Variants in TCF12 observed in about 807,000 individuals in gnomAD.
TCF12 encodes transcription factor 12, also known as DNA-binding protein HTF4.
TCF12 carries 45 observed loss-of-function variants against 86.0 expected under a neutral mutation model. The observed-to-expected ratio is 0.52, with a 90% CI of 0.41 to 0.67. The LOEUF (loss-of-function observed/expected upper bound fraction) is 0.67, where lower values mean the gene tolerates loss of function less well. Ranked by LOEUF, TCF12 falls within the 30% of genes least tolerant of loss-of-function variation. The pLI is 0.00. For synonymous variants in TCF12, 330 were observed against 299.6 expected (o/e 1.10, Z -1.05); for missense variants, 881 against 859.9 (o/e 1.02, Z -0.31).
At chr15:56,986,783 C>G (rs1242466491) in intron 3 of TCF12, among the ~76,000 whole-genome samples, 1 of 152,072 alleles carries the variant, frequency 6.6e-6, no homozygotes, top group South Asian at 2.1e-4. Flanking sequence ...ACAAAATTGT[C>G]TCGTTAGATT....
chr15:57,157,378 TG>T (rs1481778159), intron 5 of TCF12, among the ~76,000 whole-genome samples: 2 of 140,060 alleles, frequency 1.4e-5, no homozygotes, highest in Non-Finnish European at 3.0e-5. Flanking sequence ...AACATGTGGT[TG>T]GGGAAATGTG....
chr15:57,258,292 A>C (rs933051745), intron 16 of TCF12, among the ~76,000 whole-genome samples: 1 of 152,204 alleles, frequency 6.6e-6, no homozygotes, highest in Non-Finnish European at 1.5e-5. Context: ...TTTAAAAAAA[A>C]GGGGAATCGT....
intron 3 of TCF12, among the ~76,000 whole-genome samples, chr15:56,949,849 G>A (rs1206127437): frequency 6.6e-6 from 1 of 152,156 alleles, no homozygotes; most frequent in African/African-American, 2.4e-5. Context: ...AGCTACTTGT[G>A]TCTAGAGAAT....
intron 3 of TCF12, among the ~76,000 whole-genome samples, chr15:56,925,241 C>CG (rs35058585): frequency 2.3e-5 from 1 of 43,638 alleles, no homozygotes; most frequent in Non-Finnish European, 8.0e-5. Flanking sequence ...GTGTCCACCG[C>CG]CCCCCCACCC....
Position 57,237,148 on chromosome 15 carries a change from A to AGTGT in TCF12, c.1035+3062_1035+3065dup, listed in dbSNP as rs59704193. On this transcript the variant is annotated intron_variant, in intron 12 of 20. Coordinates refer to ENST00000333725, the MANE Select transcript of TCF12 (RefSeq NM_207037.2). ...GAGCAAGGGAAAAAGAGAGAGAGAG[A>AGTGT]GTGTGTGTGTGTGTGTGTGTGTGTA... 7.4e-3 allele frequency among the ~76,000 whole-genome samples: 1,084 copies of AGTGT among 146,120 alleles called. 8 individuals carry two copies. The highest frequency in any genetic ancestry group is 0.018 in the African/African-American group (699 of 39,830).
chr15:57,065,990 T>C (rs1350760699), intron 4 of TCF12, among the ~76,000 whole-genome samples: 3 of 152,190 alleles, frequency 2.0e-5, no homozygotes, highest in Non-Finnish European at 4.4e-5. Context: ...ATCCACTCTT[T>C]CACTAATTTT....
chr15:57,155,307 A>C (rs1265784227), intron 5 of TCF12, among the ~76,000 whole-genome samples: 1 of 152,174 alleles, frequency 6.6e-6, no homozygotes, highest in Admixed American at 6.5e-5. Flanking sequence ...ATAATGAGTT[A>C]ATATGTAAGA....
chr15:57,040,726 C>T (rs186196705), intron 3 of TCF12, among the ~76,000 whole-genome samples: 132 of 152,206 alleles, frequency 8.7e-4, no homozygotes, highest in African/African-American at 3.1e-3. Flanking sequence ...AGTTTCGAGC[C>T]AATATAAATA....
chr15:56,919,465 A>G (rs1236610694), intron 1 of TCF12: 2 of 154,542 alleles, frequency 1.3e-5, no homozygotes, highest in African/African-American at 4.8e-5. Flanking sequence ...TTGCCGAGCG[A>G]GTGAGTCACT....
At chr15:57,072,990 A>G (rs1453909969) in intron 4 of TCF12, among the ~76,000 whole-genome samples, 3 of 152,208 alleles carry the variant, frequency 2.0e-5, no homozygotes, top group African/African-American at 7.2e-5. Flanking sequence ...GCTAGCAGAT[A>G]TTTAAAGTGA....
Position 57,286,403 on chromosome 15 carries a change from G to A in TCF12, c.*258G>A, listed in dbSNP as rs1328268602. ...GTTTGCAACAAATCTTTTGTTGCAA[G>A]CAGTGTGTCGCTTCTGCACAATCAG... On this transcript the variant is annotated 3_prime_UTR_variant, in exon 21 of 21. Coordinates refer to ENST00000333725, the MANE Select transcript of TCF12 (RefSeq NM_207037.2). The A allele has an allele frequency of 1.8e-5, 5 of 271,518 alleles. No homozygotes were observed. The highest frequency in any genetic ancestry group is 4.9e-5 in the Admixed American group (1 of 20,304). 16.8% of individuals were successfully genotyped at this position (271,518 alleles called of 1,614,324 possible). A position where few individuals can be genotyped will look rare whatever the true frequency, so the allele number is the denominator to read the frequency against.
At chr15:56,940,155 T>C (rs777741357) in intron 3 of TCF12, among the ~76,000 whole-genome samples, 20 of 151,818 alleles carry the variant, frequency 1.3e-4, no homozygotes, top group Non-Finnish European at 2.6e-4. Context: ...TAAAACGACC[T>C]TGATTTTTAG....
chr15:56,996,852 G>A, intron 3 of TCF12, among the ~76,000 whole-genome samples: 1 of 152,152 alleles, frequency 6.6e-6, no homozygotes, highest in Admixed American at 6.5e-5. Flanking sequence ...CATACAAGTA[G>A]CCAACAAACA....
Position 57,021,228 on chromosome 15 carries a change from G to T in TCF12, c.149-42522G>T, listed in dbSNP as rs115832235. On this transcript the variant is annotated intron_variant, in intron 3 of 20. Coordinates refer to ENST00000333725, the MANE Select transcript of TCF12 (RefSeq NM_207037.2). ...CAGAGTATGGGTCAAGAGAGGACAT[G>T]GGACCAAGAACTGGGGCAGAACGTT... is the stretch of plus-strand genomic sequence containing the variant. Among the ~76,000 whole-genome samples, 780 of 152,274 alleles carry T rather than the reference G, an allele frequency of 5.1e-3. 8 individuals are homozygous for T. Among genetic ancestry groups the T allele is most frequent in the African/African-American group, 0.018 (755 of 41,542 alleles).
chr15:57,132,621 G>A (rs188225829), intron 5 of TCF12, among the ~76,000 whole-genome samples: 33 of 152,146 alleles, frequency 2.2e-4, no homozygotes, highest in Non-Finnish European at 4.4e-4. Flanking sequence ...GGTTAAACAC[G>A]TGTGTGCCCA....
rs767079928 is a variant in TCF12, at chr15:57,161,732, G to A, written c.326-4670G>A. On this transcript the variant is annotated intron_variant, in intron 5 of 20. Coordinates refer to ENST00000333725, the MANE Select transcript of TCF12 (RefSeq NM_207037.2). Reference sequence around the variant, plus strand: ...TAGCATGGCCTTCCATTTTGAATACGGATAACAAAATAATCCAGACAGTAC... The same window carrying A: ...TAGCATGGCCTTCCATTTTGAATACAGATAACAAAATAATCCAGACAGTAC... Among the ~76,000 whole-genome samples the A allele has an allele frequency of 4.6e-5, 7 of 152,048 alleles. No individual in the cohort carries two copies. In the East Asian group the frequency reaches 5.8e-4, roughly 13 times the overall value.
At chr15:57,051,403 T>G (rs1265097118) in intron 3 of TCF12, among the ~76,000 whole-genome samples, 1 of 152,204 alleles carries the variant, frequency 6.6e-6, no homozygotes, top group South Asian at 2.1e-4. Context: ...GGCTTTCTGC[T>G]CCCTTGTGTT....
intron 3 of TCF12, among the ~76,000 whole-genome samples, chr15:57,028,168 A>T (rs950206850): frequency 1.3e-5 from 2 of 152,114 alleles, no homozygotes; most frequent in Non-Finnish European, 2.9e-5. Flanking sequence ...GGGTTTCGCC[A>T]TGTTGGGCAG....
At chr15:57,030,764 G>A (rs2066123538) in intron 3 of TCF12, among the ~76,000 whole-genome samples, 1 of 151,858 alleles carries the variant, frequency 6.6e-6, no homozygotes, top group East Asian at 1.9e-4. Context: ...TATCTTAATT[G>A]CATATTCATA....
Sources: allele counts gnomAD v4.1 joint callset (sites outside exome capture counted in the v4.1 genomes callset), GRCh38; gene constraint gnomAD v4.1.1; transcripts MANE v1.5; gene names NCBI Gene and HGNC (gene_info 2026-07-23, HGNC 2026-07-21).